Variants in SPDYE10 observed in about 807,000 individuals in gnomAD.
The protein encoded by SPDYE10 is speedy/RINGO cell cycle regulator family member E10, also known as speedy protein E10.
the SPDYE10 span, among the ~76,000 whole-genome samples, chr7:73,134,523 A>AAAG: frequency 9.9e-4 from 5 of 5,046 alleles, no homozygotes; most frequent in Non-Finnish European, 2.1e-3. Flanking sequence ...AGTATAATAA[A>AAAG]AAAGAAAGAA....
the SPDYE10 span, among the ~76,000 whole-genome samples, chr7:73,145,085 CTTCTTTCT>C: frequency 1.5e-5 from 2 of 137,282 alleles, no homozygotes; most frequent in Non-Finnish European, 3.0e-5. Context: ...CTTTTTCTTT[CTTCTTTCT>C]TTCTTTCTTT....
At chr7:73,115,211 C>T in the SPDYE10 span, among the ~76,000 whole-genome samples, 17 of 152,242 alleles carry the variant, frequency 1.1e-4, no homozygotes, top group Admixed American at 8.5e-4. Flanking sequence ...TTTTCTCTTA[C>T]GTTTGGTCAC....
chr7:73,141,051 T>C, the SPDYE10 span, among the ~76,000 whole-genome samples: 2 of 142,914 alleles, frequency 1.4e-5, no homozygotes, highest in African/African-American at 2.5e-5. Flanking sequence ...CTGGGCAACA[T>C]AGCAAGACTC....
At chr7:73,134,565 G>C in the SPDYE10 span, among the ~76,000 whole-genome samples, 1 of 152,022 alleles carries the variant, frequency 6.6e-6, no homozygotes, top group Non-Finnish European at 1.5e-5. Context: ...AAGAAAGAAA[G>C]AAACCGTGCA....
chr7:73,131,203 TAAAA>T, the SPDYE10 span, among the ~76,000 whole-genome samples: 18 of 114,138 alleles, frequency 1.6e-4, no homozygotes, highest in Non-Finnish European at 3.0e-4. Context: ...ACTGTCTCTT[TAAAA>T]AAAAAAAAAA....
At chr7:73,151,854 C>T in the SPDYE10 span, among the ~76,000 whole-genome samples, 3 of 107,850 alleles carry the variant, frequency 2.8e-5, no homozygotes, top group Non-Finnish European at 5.4e-5. Context: ...CCATGCCCTG[C>T]TAAATTGATT....
chr7:73,134,549 G>GAAAGAAAGAAAGAAAGAAAGAA, the SPDYE10 span, among the ~76,000 whole-genome samples: 1 of 152,028 alleles, frequency 6.6e-6, no homozygotes, highest in East Asian at 1.9e-4. Context: ...AAGAAAGAAA[G>GAAAGAAAGAAAGAAAGAAAGAA]AAAGAAAGAA....
chr7:73,137,593 T>TGAAAGAAAGAAAGAAA, the SPDYE10 span, among the ~76,000 whole-genome samples: 528 of 70,458 alleles, frequency 7.5e-3, no homozygotes, highest in Middle Eastern at 0.014. Context: ...AAAGAAGAGA[T>TGAAAGAAAGAAAGAAA]GAAAGAAAGA....
At chr7:73,142,980 G>GAGGAAGGAAGGA in the SPDYE10 span, among the ~76,000 whole-genome samples, 2 of 93,726 alleles carry the variant, frequency 2.1e-5, no homozygotes, top group African/African-American at 4.2e-5. Context: ...GGGAGGGAGG[G>GAGGAAGGAAGGA]AGGAAGGAAG....
At chr7:73,144,491 C>A in the SPDYE10 span, among the ~76,000 whole-genome samples, 1 of 152,038 alleles carries the variant, frequency 6.6e-6, no homozygotes, top group Admixed American at 6.5e-5. Flanking sequence ...TGGTGGCCCA[C>A]ACCTGTAATT....
chr7:73,123,782 T>TCC, the SPDYE10 span, among the ~76,000 whole-genome samples: 3 of 144,084 alleles, frequency 2.1e-5, no homozygotes, highest in African/African-American at 8.0e-5. Context: ...TCTCTCTCTC[T>TCC]CTCTCCCTCT....
At chr7:73,134,691 G>A in the SPDYE10 span, among the ~76,000 whole-genome samples, 3 of 152,220 alleles carry the variant, frequency 2.0e-5, no homozygotes, top group Non-Finnish European at 4.4e-5. Context: ...GCGAAACCCC[G>A]TCTCTACTAA....
chr7:73,142,771 C>T, the SPDYE10 span, among the ~76,000 whole-genome samples: 39 of 152,132 alleles, frequency 2.6e-4, no homozygotes, highest in African/African-American at 6.8e-4. Context: ...CCCCCATCTC[C>T]GCTATACAAA....
the SPDYE10 span, among the ~76,000 whole-genome samples, chr7:73,137,508 T>A: frequency 8.7e-6 from 1 of 114,314 alleles, no homozygotes; most frequent in African/African-American, 3.6e-5. Flanking sequence ...GGCAACACAG[T>A]GAGACTCCAA....
At chr7:73,126,569 CTCAAA>C in the SPDYE10 span, among the ~76,000 whole-genome samples, 1 of 141,828 alleles carries the variant, frequency 7.1e-6, no homozygotes, top group Non-Finnish European at 1.5e-5. Context: ...CATACAAGTC[CTCAAA>C]TCAAAAACAT....
At chr7:73,145,006 CAAAAAA>C in the SPDYE10 span, among the ~76,000 whole-genome samples, 1 of 39,482 alleles carries the variant, frequency 2.5e-5, no homozygotes, top group Non-Finnish European at 4.1e-5. Context: ...GGCTTCGTCT[CAAAAAA>C]AAAAAAAAAA....
the SPDYE10 span, among the ~76,000 whole-genome samples, chr7:73,136,181 GTCTT>G: frequency 8.2e-5 from 3 of 36,530 alleles, no homozygotes; most frequent in Middle Eastern, 6.4e-3. Context: ...CCTGGCCTAT[GTCTT>G]TCTTTCTTTC....
At chr7:73,132,414 G>A in the SPDYE10 span, among the ~76,000 whole-genome samples, 3 of 152,130 alleles carry the variant, frequency 2.0e-5, no homozygotes, top group Admixed American at 6.5e-5. Context: ...AGGCATGGTG[G>A]TATGTGCCTG....
the SPDYE10 span, among the ~76,000 whole-genome samples, chr7:73,149,363 C>T: frequency 7.1e-6 from 1 of 141,796 alleles, no homozygotes; most frequent in Non-Finnish European, 1.5e-5. Flanking sequence ...TCTCAGCTCA[C>T]TGCAAGCTCC....
Sources: allele counts gnomAD v4.1 joint callset (sites outside exome capture counted in the v4.1 genomes callset), GRCh38; gene constraint gnomAD v4.1.1; transcripts MANE v1.5; gene names NCBI Gene and HGNC (gene_info 2026-07-23, HGNC 2026-07-21).